NTM: variants seen among roughly 807,000 people sequenced by gnomAD.
NTM encodes the protein IgLON family member 2.
A neutral mutation model predicts 42.1 loss-of-function variants in NTM; 13 were observed. That is an observed-to-expected ratio of 0.31 (90% CI 0.20 to 0.49). The LOEUF is 0.49. Among genes scored for constraint, NTM ranks in the 20% least tolerant of loss-of-function variants. NTM has a pLI of 0.99. For missense variants in NTM, 373 were observed against 452.8 expected (o/e 0.82, Z 1.60); for synonymous variants, 187 against 179.2 (o/e 1.04, Z -0.35).
At chr11:131,923,812 T>C (rs73027592) in intron 2 of NTM, among the ~76,000 whole-genome samples, 1 of 152,322 alleles carries the variant, frequency 6.6e-6, no homozygotes, top group Non-Finnish European at 1.5e-5. Flanking sequence ...CTCTAGAGGA[T>C]AATGATTAAG....
chr11:131,594,430 C>T (rs1462827951), intron 1 of NTM, among the ~76,000 whole-genome samples: 2 of 152,068 alleles, frequency 1.3e-5, no homozygotes, highest in Non-Finnish European at 2.9e-5. Flanking sequence ...GGGTCTTGCT[C>T]TGTCACCCAG....
chr11:131,934,178 A>T (rs2058961521), intron 2 of NTM, among the ~76,000 whole-genome samples: 2 of 152,194 alleles, frequency 1.3e-5, no homozygotes, highest in Non-Finnish European at 2.9e-5. Flanking sequence ...CTCCATACAT[A>T]AATGAAGGAA....
chr11:131,970,795 C>G (rs1451214609), intron 2 of NTM, among the ~76,000 whole-genome samples: 2 of 152,202 alleles, frequency 1.3e-5, no homozygotes, highest in Admixed American at 6.5e-5. Flanking sequence ...TCATCCCTGA[C>G]AAGGGGATCA....
chr11:131,779,748 G>A (rs2087714374), intron 1 of NTM, among the ~76,000 whole-genome samples: 1 of 152,132 alleles, frequency 6.6e-6, no homozygotes, highest in African/African-American at 2.4e-5. Context: ...TTCTTTAGGT[G>A]GAGAGGGAAT....
chr11:131,973,237 T>C (rs1565858836), intron 2 of NTM, among the ~76,000 whole-genome samples: 1 of 152,180 alleles, frequency 6.6e-6, no homozygotes, highest in Non-Finnish European at 1.5e-5. Flanking sequence ...TTTTTGTGCA[T>C]CCAGTTCTTC....
chr11:132,050,083 G>A (rs1298050089), intron 2 of NTM, among the ~76,000 whole-genome samples: 2 of 152,100 alleles, frequency 1.3e-5, no homozygotes, highest in African/African-American at 4.8e-5. Context: ...TTACCTAACT[G>A]AGGCCACTGG....
chr11:131,756,262 C>T (rs1262882057), intron 1 of NTM, among the ~76,000 whole-genome samples: 1 of 152,118 alleles, frequency 6.6e-6, no homozygotes, highest in Non-Finnish European at 1.5e-5. Flanking sequence ...TGGAGGTACT[C>T]CAGACAAATT....
intron 4 of NTM, among the ~76,000 whole-genome samples, chr11:132,231,672 G>T (rs1380159928): frequency 6.6e-6 from 1 of 152,142 alleles, no homozygotes; most frequent in African/African-American, 2.4e-5. Flanking sequence ...TTTCGTCATT[G>T]CTGGGTAAGC....
chr11:132,155,787 A>G (rs575826754), intron 3 of NTM, among the ~76,000 whole-genome samples: 80 of 152,232 alleles, frequency 5.3e-4, no homozygotes, highest in Non-Finnish European at 5.0e-4. Flanking sequence ...TTTCCCTTTC[A>G]CACATAAACC....
intron 1 of NTM, among the ~76,000 whole-genome samples, chr11:131,717,691 T>C (rs994032848): frequency 6.6e-6 from 1 of 152,210 alleles, no homozygotes; most frequent in African/African-American, 2.4e-5. Context: ...CTTTCCAGCA[T>C]GAATGCCTTT....
chr11:131,813,968 T>A (rs1264904867), intron 1 of NTM, among the ~76,000 whole-genome samples: 2 of 152,156 alleles, frequency 1.3e-5, no homozygotes, highest in African/African-American at 4.8e-5. Flanking sequence ...GACTCAGTGT[T>A]GAGCCCACAG....
intron 2 of NTM, among the ~76,000 whole-genome samples, chr11:131,941,499 C>T (rs1013962854): frequency 3.9e-5 from 6 of 152,192 alleles, no homozygotes; most frequent in Admixed American, 3.9e-4. Context: ...AGTGACAAAG[C>T]ATTTCCTCAT....
intron 2 of NTM, among the ~76,000 whole-genome samples, chr11:131,924,075 G>T (rs2057604821): frequency 6.6e-6 from 1 of 152,242 alleles, no homozygotes; most frequent in Non-Finnish European, 1.5e-5. Flanking sequence ...GCCCGTGGTG[G>T]GCAGAGGGCA....
chr11:132,152,602 A>AGTAG (rs1377071413), intron 3 of NTM, among the ~76,000 whole-genome samples: 3 of 152,242 alleles, frequency 2.0e-5, no homozygotes, highest in African/African-American at 7.2e-5. Flanking sequence ...ATGACAAGGA[A>AGTAG]GTAGGGCATT....
chr11:132,267,537 C>T (rs2093262456), intron 4 of NTM, among the ~76,000 whole-genome samples: 1 of 149,456 alleles, frequency 6.7e-6, no homozygotes, highest in Non-Finnish European at 1.5e-5. Context: ...CTCATGGGAG[C>T]TGGGTGCATG....
rs958912946 is a variant in NTM at position 131,715,847 on chromosome 11, C to T, written c.83-195717C>T. 3.3e-5 allele frequency among the ~76,000 whole-genome samples: 5 copies of T among 152,252 alleles called. No individual in the cohort carries two copies. In the South Asian group the frequency reaches 8.3e-4, roughly 25 times the overall value. On this transcript the variant is annotated intron_variant, in intron 1 of 8. Coordinates refer to ENST00000683400, the MANE Select transcript of NTM (RefSeq NM_001352005.2). The stretch of plus-strand genomic sequence containing the variant: ...ATGTATTAGTAGTTCATTTTTATTG[C>T]TGAAAAGTATTCCACAGTATGCATA...
intron 6 of NTM, chr11:132,312,643 GT>G (rs1393577518): frequency 6.5e-6 from 1 of 154,810 alleles, no homozygotes; most frequent in African/African-American, 2.4e-5. Context: ...CCTACTTTCA[GT>G]TAAGTCTCTC....
At chr11:132,190,799 T>A (rs1312851417) in intron 3 of NTM, among the ~76,000 whole-genome samples, 1 of 148,512 alleles carries the variant, frequency 6.7e-6, no homozygotes, top group African/African-American at 2.5e-5. Context: ...CTGGGCAAAA[T>A]AGTCCAAGGT....
At chr11:132,203,745 A>G (rs1345173995) in intron 3 of NTM, among the ~76,000 whole-genome samples, 2 of 152,134 alleles carry the variant, frequency 1.3e-5, no homozygotes, top group Non-Finnish European at 2.9e-5. Flanking sequence ...ACACACACAC[A>G]AAAATTAGCT....
Sources: gnomAD v4.1 joint callset for allele counts (sites outside exome capture counted in the v4.1 genomes callset) on GRCh38, gnomAD v4.1.1 for gene constraint, MANE v1.5 for transcripts, NCBI Gene and HGNC (gene_info 2026-07-23, HGNC 2026-07-21) for gene names.